Variants in ARID3C observed in about 807,000 individuals in gnomAD.
The protein encoded by ARID3C is AT-rich interaction domain 3C.
Under a neutral mutation model 37.9 loss-of-function variants are expected in ARID3C, and 42 were observed. The observed-to-expected ratio is 1.11, with a 90% CI of 0.87 to 1.43. The LOEUF (loss-of-function observed/expected upper bound fraction) is 1.43. ARID3C is among the 40% of genes most tolerant of loss of function. The pLI is 0.00. For missense variants in ARID3C, 581 were observed against 548.8 expected, an observed-to-expected ratio of 1.06 and a Z score of -0.59; for synonymous variants, 213 against 228.0, an observed-to-expected ratio of 0.93 and a Z score of 0.59.
At position 34,623,522 on chromosome 9, in the gene ARID3C, A is replaced by AGGGGC; in HGVS notation, c.763_767dup (p.Ala258LeufsTer26). 1 of 1,562,396 alleles carries AGGGGC rather than the reference A, an allele frequency of 6.4e-7. No homozygotes were observed. Among genetic ancestry groups the AGGGGC allele is most frequent in the African/African-American group, 1.4e-5 (1 of 72,774 alleles). On this transcript the variant is annotated frameshift_variant, in exon 4 of 7. Transcript: ENST00000378909. LOFTEE classifies it high-confidence loss of function. The stretch of plus-strand genomic sequence containing the variant: ...GGCCAGGGCTGGACTGGGTCGCCGG[A>AGGGGC]GGGGCGGGGCCGGGACCCAAGGCTG...
intron 4 of ARID3C, 139 bp downstream of exon 5, chr9:34,623,286 T>A: frequency 9.4e-7 from 1 of 1,064,476 alleles, no homozygotes; most frequent in Non-Finnish European, 1.3e-6. Context: ...CCCCCAAACC[T>A]CAGAAGCCCG....
intron 1 of ARID3C, among the ~76,000 whole-genome samples, chr9:34,627,053 C>T (rs377633226): frequency 1.3e-5 from 2 of 152,142 alleles, no homozygotes; most frequent in African/African-American, 2.4e-5. Flanking sequence ...TTCTGAGTTG[C>T]GGAGGAGCCC....
upstream of ARID3C, among the ~76,000 whole-genome samples, chr9:34,628,886 C>T (rs1039318467): frequency 2.0e-5 from 3 of 152,110 alleles, no homozygotes; most frequent in Admixed American, 6.5e-5. The surrounding 1 kb of genome is among the most constrained non-coding windows in gnomAD (Gnocchi z 5.2). Context: ...GCCCGGCTCC[C>T]TCGCTCCGGG....
chr9:34,624,070 C>A, intron 2 of ARID3C, 23 bp from the exon 4 acceptor site: 1 of 1,561,954 alleles, frequency 6.4e-7, no homozygotes, highest in South Asian at 1.2e-5. Context: ...GGGCTGCCGT[C>A]AGGACACTGA....
chr9:34,628,017 C>A lies in ARID3C; in HGVS notation c.-3G>T. 1 of 1,480,042 alleles carries A rather than the reference C, an allele frequency of 6.8e-7. No homozygotes were observed. 91.7% of individuals were successfully genotyped at this position (1,480,042 alleles called of 1,614,324 possible). A position where few individuals can be genotyped will look rare whatever the true frequency, so the allele number is the denominator to read the frequency against. ...TGCTGCTTCTGCAGGGCCTCCATGA[C>A]AGCTTCCAGGCGCAGTCCCCCAGCT... On this transcript the variant is annotated 5_prime_UTR_variant, in exon 1 of 7. Transcript: ENST00000378909. This position sits in a 1 kb window ranked among gnomAD's most constrained non-coding sequence, Gnocchi z 5.2.
chr9:34,622,892 A>C (rs1466975298), intron 4 of ARID3C, among the ~76,000 whole-genome samples: 2 of 152,288 alleles, frequency 1.3e-5, no homozygotes, highest in East Asian at 3.9e-4. Flanking sequence ...CTCAGCCTGT[A>C]ATCCCAACAC....
Position 34,621,610 on chromosome 9 carries a change from A to G in ARID3C, c.1139-52T>C, listed in dbSNP as rs73497065. The G allele has an allele frequency of 4.0e-3, 5,249 of 1,327,480 alleles. 172 individuals carry two copies. The African/African-American group carries it at 0.07, about 18-fold the overall frequency. 82.2% of individuals were successfully genotyped at this position (1,327,480 alleles called of 1,614,324 possible). A position where few individuals can be genotyped will look rare whatever the true frequency, so the allele number is the denominator to read the frequency against. On this transcript the variant is annotated intron_variant, in intron 6 of 6. Coordinates refer to ENST00000378909, the Ensembl canonical transcript of ARID3C. ...AGGGCAAAAACAAGCAGGAGGGGGT[A>G]GGGTATGGAAACAGAAGAGGGGAAC...
intron 1 of ARID3C, among the ~76,000 whole-genome samples, chr9:34,626,890 C>T (rs953614470): frequency 1.1e-4 from 17 of 152,152 alleles, no homozygotes; most frequent in African/African-American, 2.9e-4. Flanking sequence ...CAGACCAACA[C>T]CCTACAAGTA....
Position 34,627,568 on chromosome 9 carries a change from C to T in ARID3C, c.318+129G>A, listed in dbSNP as rs1820671892. ...TTCTCTCTGTCTTTCTATAGGTCTC[C>T]GTGTCTCTGTGTCTCTTTTCATCTT... is the stretch of plus-strand genomic sequence containing the variant. On this transcript the variant is annotated intron_variant, in intron 1 of 6. Transcript: ENST00000378909. 10 of 795,036 alleles carry T rather than the reference C, an allele frequency of 1.3e-5. 1 individual carries two copies. The highest frequency in any genetic ancestry group is 2.7e-5 in the Admixed American group (1 of 36,888). The allele number at this position is 795,036 out of a possible 1,614,324, so 49.2% of individuals were successfully genotyped here.
Position 34,624,143 on chromosome 9 carries a change from G to A in ARID3C, c.392-96C>T. On this transcript the variant is annotated intron_variant, in intron 2 of 6. Coordinates refer to ENST00000378909, the Ensembl canonical transcript of ARID3C. The stretch of plus-strand genomic sequence containing the variant: ...ACAGGACGGGAGCCCCGGGGAGGGC[G>A]GGAAAGAGGGAGACTTGGGCGGAGC... 6 of 1,392,962 alleles carry A rather than the reference G, an allele frequency of 4.3e-6. No individual in the cohort carries two copies. In the South Asian group the frequency reaches 8.4e-5, roughly 20 times the overall value. The allele number at this position is 1,392,962 out of a possible 1,614,324, so 86.3% of individuals were successfully genotyped here.
rs201647617 is a variant in ARID3C at position 34,627,910 on chromosome 9, G to A, written c.105C>T (p.His35=). Residue 35 remains histidine (H), a synonymous_variant, in exon 1 of 7, where the codon CAC becomes CAT. Transcript: ENST00000378909. The stretch of plus-strand genomic sequence containing the variant: ...CCCCCTCAGGGGCCTGTAGGGTCCG[G>A]TGGTCAGGCAGGGGAGGCTGCGGTG... 31 of 1,559,746 alleles carry A rather than the reference G, an allele frequency of 2.0e-5. No homozygotes were observed. In the African/African-American group the frequency reaches 3.8e-4, roughly 19 times the overall value.
chr9:34,625,273 A>G (rs1820639438), intron 2 of ARID3C, among the ~76,000 whole-genome samples: 1 of 152,128 alleles, frequency 6.6e-6, no homozygotes. Context: ...ATTCCTGGAA[A>G]GGAATTTCTC....
chr9:34,624,032 C>A, exon 3 of ARID3C: 1 of 1,593,400 alleles, frequency 6.3e-7, no homozygotes, highest in South Asian at 1.1e-5. Context: ...GATGGGCACG[C>A]GGTTCACTGG....
exon 7 of ARID3C, chr9:34,621,534 G>C (rs563374110): frequency 6.4e-7 from 1 of 1,570,042 alleles, no homozygotes; most frequent in African/African-American, 1.4e-5. Context: ...AGCTGGCACA[G>C]GCTGGCGGCG....
rs375123291 is a variant in ARID3C, at chr9:34,623,605, A to G, written c.685T>C (p.Tyr229His). Residue 229 changes from tyrosine to histidine, a missense_variant, in exon 4 of 7, where the codon TAC becomes CAC. Coordinates refer to ENST00000378909, the Ensembl canonical transcript of ARID3C. ...AAGCCGAAGAGCGGAGTAGCGGTGT[A>G]AGCCTGGCGACGGCCCTCGCGCCGA... 5.3e-5 allele frequency: 85 copies of G among 1,608,692 alleles called. No homozygotes were observed. In the Middle Eastern group the frequency reaches 8.2e-4, roughly 16 times the overall value.
upstream of ARID3C, among the ~76,000 whole-genome samples, chr9:34,628,650 CAG>C (rs925716734): frequency 6.6e-6 from 1 of 151,968 alleles, no homozygotes; most frequent in African/African-American, 2.4e-5. The surrounding 1 kb of genome is among the most constrained non-coding windows in gnomAD (Gnocchi z 5.2). Flanking sequence ...GACAAATAGA[CAG>C]GGGTTGAGAT....
upstream of ARID3C, among the ~76,000 whole-genome samples, chr9:34,629,073 G>T (rs1472430063): frequency 6.6e-6 from 1 of 152,058 alleles, no homozygotes; most frequent in African/African-American, 2.4e-5. Context: ...CGCTGCTTGC[G>T]GCGGCCGCGG....
rs1171344007 is a variant in ARID3C, at chr9:34,628,065, G to A, written c.-51C>T. 6 of 1,442,954 alleles carry A rather than the reference G, an allele frequency of 4.2e-6. No homozygotes were observed. Among genetic ancestry groups the A allele is most frequent in the Middle Eastern group, 2.4e-4 (1 of 4,248 alleles). The allele number at this position is 1,442,954 out of a possible 1,614,324, so 89.4% of individuals were successfully genotyped here. ...GCTGAGGGGGTCCCTGGTACCAGGC[G>A]GGACCCCGAGGAAAGGGCCGCCTGT... On this transcript the variant is annotated 5_prime_UTR_variant, in exon 1 of 7. Transcript: ENST00000378909. The surrounding 1 kb of genome is among the most constrained non-coding windows in gnomAD (Gnocchi z 5.2).
At chr9:34,627,760 C>A (rs373379355) in exon 1 of ARID3C, 4 of 1,614,126 alleles carry the variant, frequency 2.5e-6, no homozygotes, top group Non-Finnish European at 1.7e-6. Context: ...GGCTAGAAGG[C>A]GAGCTGGGGC....
Sources: allele counts gnomAD v4.1 joint callset (sites outside exome capture counted in the v4.1 genomes callset), GRCh38; gene constraint gnomAD v4.1.1; non-coding constraint Gnocchi (gnomAD v3.1); transcripts MANE v1.5; gene names NCBI Gene and HGNC (gene_info 2026-07-23, HGNC 2026-07-21).